The following HOXC5 variants were observed in gnomAD, a reference collection of about 807,000 sequenced individuals.
HOXC5 encodes the protein homeobox protein Hox-C5.
HOXC5 carries 19 observed loss-of-function variants against 20.1 expected under a neutral mutation model. That is an observed-to-expected ratio of 0.94 (90% CI 0.66 to 1.38). The LOEUF (loss-of-function observed/expected upper bound fraction) is 1.38. Among genes scored for constraint, HOXC5 ranks in the 40% most tolerant of loss-of-function variants. The pLI, the probability that HOXC5 is intolerant of heterozygous loss-of-function variation, is 0.00. For synonymous variants in HOXC5, 124 were observed against 117.0 expected (o/e 1.06, Z -0.39); for missense variants, 330 against 300.1 (o/e 1.10, Z -0.74).
In HOXC5 at chr12:54,033,439, C is replaced by T. The variant is rs745951201; in HGVS notation, c.317C>T (p.Pro106Leu). 2.5e-6 allele frequency: 4 copies of T among 1,601,412 alleles called. No homozygotes were observed. The highest frequency in any genetic ancestry group is 1.3e-5 in the African/African-American group (1 of 74,708). Reference protein sequence around the residue: ...PGMYSQKAARPALEERAKSSG... With the variant: ...PGMYSQKAARLALEERAKSSG... ...ATGTACAGTCAGAAGGCGGCTCGCCCGGCGCTGGAGGAGCGAGCTAAGAGC... is the reference window on the plus strand; with the variant it reads ...ATGTACAGTCAGAAGGCGGCTCGCCTGGCGCTGGAGGAGCGAGCTAAGAGC... The change falls in exon 1 of 2, where the codon CCG becomes CTG. Residue 106 changes from proline to leucine, a missense_variant. Pro to Leu is a moderately conservative substitution (Grantham distance 98, BLOSUM62 -3). Transcript: ENST00000312492.
At chr12:54,020,302 C>T in the HOXC5 span, 1 of 152,282 alleles carries the variant, frequency 6.6e-6, no homozygotes, top group Admixed American at 6.5e-5. Flanking sequence ...GGAGCCTCCC[C>T]CTCTGAGCCC....
In HOXC5 at chr12:54,034,806, G is replaced by A; in HGVS notation, c.*314G>A. ...TGGCGCAGAACGAACCTTGGCCTGG[G>A]CCGTATCTCCGGCTCCCAGCCTCAG... On this transcript the variant is annotated 3_prime_UTR_variant, in exon 2 of 2. Transcript: ENST00000312492. 2.8e-6 allele frequency: 1 copy of A among 355,328 alleles called. No homozygotes were observed. The highest frequency in any genetic ancestry group is 5.3e-6 in the Non-Finnish European group (1 of 187,762). The allele number at this position is 355,328 out of a possible 1,614,324, so 22.0% of individuals were successfully genotyped here. A position where few individuals can be genotyped will look rare whatever the true frequency, so the allele number is the denominator to read the frequency against.
rs1446871482 is a variant in HOXC5, at chr12:54,034,674, G to A, written c.*182G>A. 3 of 595,118 alleles carry A rather than the reference G, an allele frequency of 5.0e-6. No homozygotes were observed. In the African/African-American group the frequency reaches 5.6e-5, roughly 11 times the overall value. 36.9% of individuals were successfully genotyped at this position (595,118 alleles called of 1,614,324 possible). On this transcript the variant is annotated 3_prime_UTR_variant, in exon 2 of 2. Transcript: ENST00000312492. ...GCATCCCTACCGACCCAGGGTTCCC[G>A]CGGGGCTGTCGGCGCTGCCCCATCT...
In HOXC5 at chr12:54,034,690, T is replaced by C; in HGVS notation, c.*198T>C. The stretch of plus-strand genomic sequence containing the variant: ...AGGGTTCCCGCGGGGCTGTCGGCGC[T>C]GCCCCATCTCCCCTCAGCTCGGCTC... On this transcript the variant is annotated 3_prime_UTR_variant, in exon 2 of 2. Transcript: ENST00000312492. 1 of 574,162 alleles carries C rather than the reference T, an allele frequency of 1.7e-6. No homozygotes were observed. Among genetic ancestry groups the C allele is most frequent in the South Asian group, 2.0e-5 (1 of 49,322 alleles). 35.6% of individuals were successfully genotyped at this position (574,162 alleles called of 1,614,324 possible).
At chr12:54,020,395 G>C in the HOXC5 span, 1 of 152,202 alleles carries the variant, frequency 6.6e-6, no homozygotes, top group African/African-American at 2.4e-5. Context: ...TCATGTGCTG[G>C]TTCCTAGCTA....
At chr12:54,025,280 G>C in the HOXC5 span, among the ~76,000 whole-genome samples, 77 of 152,118 alleles carry the variant, frequency 5.1e-4, 1 homozygote, top group Admixed American at 5.9e-4. Flanking sequence ...AATTTAACAG[G>C]AAAATATAAA....
At chr12:54,024,241 G>A in the HOXC5 span, among the ~76,000 whole-genome samples, 2 of 152,100 alleles carry the variant, frequency 1.3e-5, no homozygotes, top group Admixed American at 1.3e-4. Flanking sequence ...AGACTTGGGG[G>A]TGGTGGGGGC....
At chr12:54,027,606 T>G in the HOXC5 span, among the ~76,000 whole-genome samples, 11 of 152,094 alleles carry the variant, frequency 7.2e-5, no homozygotes, top group East Asian at 2.1e-3. Context: ...GCCACCTCCC[T>G]ACATTTTACT....
At chr12:54,031,298 C>A (rs574426837), upstream of HOXC5, among the ~76,000 whole-genome samples, 8 of 152,298 alleles carry the variant, frequency 5.3e-5, no homozygotes, top group Non-Finnish European at 1.0e-4. Context: ...CTGGCTGTTG[C>A]GAAACGTAGC....
the HOXC5 span, among the ~76,000 whole-genome samples, chr12:54,025,530 G>A: frequency 0.017 from 733 of 42,092 alleles, 18 homozygotes; most frequent in Non-Finnish European, 0.027. Flanking sequence ...AGGTAATTGG[G>A]GGGGGGGGAG....
the HOXC5 span, among the ~76,000 whole-genome samples, chr12:54,026,829 A>G: frequency 6.6e-6 from 1 of 152,160 alleles, no homozygotes; most frequent in African/African-American, 2.4e-5. Context: ...TTCTCAGCAT[A>G]GTCCCGTTTA....
chr12:54,018,809 C>T, the HOXC5 span, among the ~76,000 whole-genome samples: 1 of 152,148 alleles, frequency 6.6e-6, no homozygotes, highest in Non-Finnish European at 1.5e-5. Context: ...GGGGGCCAGA[C>T]TTACCTTAAT....
chr12:54,030,126 C>T, upstream of HOXC5: 2 of 631,928 alleles, frequency 3.2e-6, no homozygotes, highest in Non-Finnish European at 5.3e-6. Flanking sequence ...CTCTGGACCC[C>T]CTCCCTCACC....
rs771189016 is a variant in HOXC5, at chr12:54,033,353, C to G, written c.231C>G (p.Ser77Arg). ...PRAHPDRPACSAAAAPGHAPG... is the reference protein window; with the variant it reads ...PRAHPDRPACRAAAAPGHAPG... ...CTCACCCCGACCGCCCCGCCTGCAG[C>G]GCCGCGGCCGCTCCGGGACACGCTC... Residue 77 changes from serine (S) to arginine (R), a missense_variant, in exon 1 of 2, where the codon AGC (serine) becomes AGG (arginine). By Grantham distance (110) the Ser-to-Arg change is moderately radical (BLOSUM62 -1). Coordinates refer to ENST00000312492, the MANE Select transcript of HOXC5 (RefSeq NM_018953.4). 54 of 1,612,612 alleles carry G rather than the reference C, an allele frequency of 3.3e-5. No individual in the cohort carries two copies. The Admixed American group carries it at 8.7e-4, about 26-fold the overall frequency.
upstream of HOXC5, among the ~76,000 whole-genome samples, chr12:54,031,372 C>T (rs1363289123): frequency 1.3e-5 from 2 of 152,144 alleles, no homozygotes; most frequent in Non-Finnish European, 1.5e-5. Context: ...AGGGATTGAG[C>T]GATTCAAGGA....
the HOXC5 span, among the ~76,000 whole-genome samples, chr12:54,026,477 T>A: frequency 6.6e-6 from 1 of 152,238 alleles, no homozygotes; most frequent in Non-Finnish European, 1.5e-5. Context: ...TTTTTCTTAA[T>A]TTAAAAATCC....
At chr12:54,030,701 G>C (rs1160374878), upstream of HOXC5, 1 of 152,648 alleles carries the variant, frequency 6.6e-6, no homozygotes, top group South Asian at 2.1e-4. Flanking sequence ...AATGACGTTT[G>C]TTTAGCCAGT....
chr12:54,029,544 A>G, upstream of HOXC5: 1 of 1,122,862 alleles, frequency 8.9e-7, no homozygotes, highest in Admixed American at 2.3e-5. Flanking sequence ...AGCCCTAAGG[A>G]GGCTGTGAGC....
Position 54,033,533 on chromosome 12 carries a change from G to C in HOXC5, c.411G>C (p.Pro137=). 1 of 1,597,864 alleles carries C rather than the reference G, an allele frequency of 6.3e-7. No homozygotes were observed. Among genetic ancestry groups the C allele is most frequent in the African/African-American group, 1.3e-5 (1 of 74,896 alleles). ...CCGGACTGAGCCAGCCACCGGCCCC[G>C]CCACAGATTTACCCGTGGATGACCA... ...QPAGLSQPPA[P]PQIYPWMTKL... The change falls in exon 1 of 2, where the codon CCG becomes CCC. Residue 137 remains proline, a synonymous_variant. Transcript: ENST00000312492.
Sources: allele counts gnomAD v4.1 joint callset (sites outside exome capture counted in the v4.1 genomes callset), GRCh38; gene constraint gnomAD v4.1.1; transcripts MANE v1.5; gene names NCBI Gene and HGNC (gene_info 2026-07-23, HGNC 2026-07-21).